The following ANTXR1 variants were observed in gnomAD, a reference collection of about 807,000 sequenced individuals.
ANTXR1 encodes the protein ANTXR cell adhesion molecule 1, also known as anthrax toxin receptor 1.
In ANTXR1, 19 loss-of-function variants were observed where a neutral mutation model predicts 78.1. That is an observed-to-expected ratio of 0.24 (90% CI 0.17 to 0.36). ANTXR1 has a LOEUF of 0.36. Ranked by LOEUF, ANTXR1 falls within the 10% of genes least tolerant of loss-of-function variation. ANTXR1 has a pLI of 1.00. For missense variants in ANTXR1, 518 were observed against 718.6 expected, an observed-to-expected ratio of 0.72 and a Z score of 3.19; for synonymous variants, 273 against 260.5, an observed-to-expected ratio of 1.05 and a Z score of -0.46.
At chr2:69,229,034 A>C (rs1675528755) in intron 17 of ANTXR1, among the ~76,000 whole-genome samples, 1 of 152,112 alleles carries the variant, frequency 6.6e-6, no homozygotes, top group South Asian at 2.1e-4. Context: ...GTAGAATGAA[A>C]ACAAGCCCTG....
chr2:69,196,459 G>A (rs1674670167), intron 17 of ANTXR1, among the ~76,000 whole-genome samples: 1 of 152,250 alleles, frequency 6.6e-6, no homozygotes, highest in Admixed American at 6.5e-5. Flanking sequence ...GGTCACAGAT[G>A]AGGTAAGAAC....
chr2:69,213,027 A>G (rs570972712), intron 17 of ANTXR1, among the ~76,000 whole-genome samples: 46 of 141,358 alleles, frequency 3.3e-4, no homozygotes, highest in Non-Finnish European at 6.1e-4. Flanking sequence ...GTCTGGTCTC[A>G]AACTCCTGGC....
chr2:69,090,698 G>A (rs1010376943), intron 8 of ANTXR1, 161 bp from the exon 9 acceptor site: 1 of 668,822 alleles, frequency 1.5e-6, no homozygotes, highest in Non-Finnish European at 2.7e-6. Context: ...ATAAATGTTT[G>A]GTATTGGTAC....
chr2:69,158,067 G>T (rs1021790308), intron 13 of ANTXR1, among the ~76,000 whole-genome samples: 7 of 152,158 alleles, frequency 4.6e-5, no homozygotes, highest in Non-Finnish European at 1.5e-5. Flanking sequence ...ATCATGCTGT[G>T]AAAATTGCCT....
At position 69,149,039 on chromosome 2, in the gene ANTXR1, T is replaced by C. The variant is rs144537333; in HGVS notation, c.952-3130T>C. ...AAAACATCAGCTTTAGCTCTAAGTT[T>C]ATCAAAAACTCATGCCCTTCATTCT... On this transcript the variant is annotated intron_variant, in intron 12 of 17. Coordinates refer to ENST00000303714, the MANE Select transcript of ANTXR1 (RefSeq NM_032208.3). 1.0e-3 allele frequency among the ~76,000 whole-genome samples: 158 copies of C among 152,324 alleles called. 1 individual carries two copies. The highest frequency in any genetic ancestry group is 3.4e-3 in the African/African-American group (141 of 41,566).
intron 14 of ANTXR1, among the ~76,000 whole-genome samples, chr2:69,180,262 G>A (rs1317082634): frequency 1.3e-5 from 2 of 152,316 alleles, no homozygotes; most frequent in East Asian, 3.9e-4. Context: ...TCACCCAAAT[G>A]CCACCAAAAC....
At chr2:69,214,375 A>G (rs1675126584) in intron 17 of ANTXR1, among the ~76,000 whole-genome samples, 1 of 152,194 alleles carries the variant, frequency 6.6e-6, no homozygotes, top group Non-Finnish European at 1.5e-5. Context: ...TTATTCATTG[A>G]GAGAGATTTT....
chr2:69,015,397 C>G (rs1389005374), intron 1 of ANTXR1, among the ~76,000 whole-genome samples: 1 of 151,040 alleles, frequency 6.6e-6, no homozygotes, highest in Non-Finnish European at 1.5e-5. Context: ...TGGTAAAGGC[C>G]AAAGAATAGG....
intron 8 of ANTXR1, among the ~76,000 whole-genome samples, chr2:69,086,054 C>T (rs1671038741): frequency 6.6e-6 from 1 of 152,138 alleles, no homozygotes; most frequent in South Asian, 2.1e-4. Context: ...TGTGTGAAAG[C>T]AAAAGACACC....
intron 17 of ANTXR1, among the ~76,000 whole-genome samples, chr2:69,242,507 T>C (rs760568660): frequency 6.6e-6 from 1 of 152,166 alleles, no homozygotes; most frequent in African/African-American, 2.4e-5. Flanking sequence ...AGAGAATAAG[T>C]ACATGAGCTT....
At chr2:69,199,462 GA>G (rs1674725422) in intron 17 of ANTXR1, among the ~76,000 whole-genome samples, 3 of 152,112 alleles carry the variant, frequency 2.0e-5, no homozygotes, top group Admixed American at 6.6e-5. Context: ...GACACAACTG[GA>G]GAATAACTAG....
intron 3 of ANTXR1, among the ~76,000 whole-genome samples, chr2:69,047,881 A>T (rs532291433): frequency 6.6e-6 from 1 of 152,278 alleles, no homozygotes; most frequent in South Asian, 2.1e-4. Flanking sequence ...ATAGCTAGTA[A>T]TCTGCCAAAT....
chr2:69,117,660 T>C (rs1205399246), intron 10 of ANTXR1, among the ~76,000 whole-genome samples: 1 of 152,234 alleles, frequency 6.6e-6, no homozygotes, highest in Non-Finnish European at 1.5e-5. Flanking sequence ...ATCCATGTAG[T>C]CTATTTTAAA....
In ANTXR1 at chr2:69,076,529, T is replaced by A. The variant is rs538495512; in HGVS notation, c.561+871T>A. On this transcript the variant is annotated intron_variant, in intron 7 of 17. Transcript: ENST00000303714. The stretch of plus-strand genomic sequence containing the variant: ...AAAATGCTCATGATATATCATTAAG[T>A]GAATAAAACAAAATTACAAAGCAGT... Among the ~76,000 whole-genome samples, 3 of 152,306 alleles carry A rather than the reference T, an allele frequency of 2.0e-5. No individual in the cohort carries two copies. In the South Asian group the frequency reaches 6.2e-4, roughly 32 times the overall value.
At chr2:69,223,892 T>C (rs1227624201) in intron 17 of ANTXR1, among the ~76,000 whole-genome samples, 1 of 152,212 alleles carries the variant, frequency 6.6e-6, no homozygotes, top group Non-Finnish European at 1.5e-5. Context: ...CAATTTCAGT[T>C]AACCTTTGGG....
chr2:69,037,151 C>T (rs564732112), intron 1 of ANTXR1, among the ~76,000 whole-genome samples: 6 of 152,302 alleles, frequency 3.9e-5, no homozygotes, highest in South Asian at 2.1e-4. Context: ...CGGGAATTGG[C>T]GAGAGCCATC....
intron 10 of ANTXR1, among the ~76,000 whole-genome samples, chr2:69,116,565 C>T (rs1203158445): frequency 6.6e-6 from 1 of 152,080 alleles, no homozygotes; most frequent in African/African-American, 2.4e-5. Context: ...TCTGGAATGC[C>T]CTGAAAATGC....
At chr2:69,213,816 G>A (rs1368055803) in intron 17 of ANTXR1, among the ~76,000 whole-genome samples, 1 of 152,270 alleles carries the variant, frequency 6.6e-6, no homozygotes, top group African/African-American at 2.4e-5. Context: ...GCCAGGGCCT[G>A]GACGCCAGGA....
intron 7 of ANTXR1, among the ~76,000 whole-genome samples, chr2:69,076,091 G>T (rs1327165076): frequency 6.6e-6 from 1 of 152,080 alleles, no homozygotes; most frequent in Non-Finnish European, 1.5e-5. Flanking sequence ...GTATACAGGT[G>T]CACATCCTGA....
Sources: gnomAD v4.1 joint callset for allele counts (sites outside exome capture counted in the v4.1 genomes callset) on GRCh38, gnomAD v4.1.1 for gene constraint, MANE v1.5 for transcripts, NCBI Gene and HGNC (gene_info 2026-07-23, HGNC 2026-07-21) for gene names.